SDK1: variants seen among roughly 807,000 people sequenced by gnomAD.
The protein encoded by SDK1 is sidekick cell adhesion molecule 1, also known as protein sidekick-1.
A neutral mutation model predicts 245.5 loss-of-function variants in SDK1; 157 were observed. That is an observed-to-expected ratio of 0.64 (90% CI 0.56 to 0.73). The LOEUF (loss-of-function observed/expected upper bound fraction) is 0.73. SDK1 is among the 30% of genes least tolerant of loss of function. The pLI is 0.00. For synonymous variants in SDK1, 1,647 were observed against 1,278.5 expected, an observed-to-expected ratio of 1.29 and a Z score of -6.15; for missense variants, 3,583 against 3,002.3, an observed-to-expected ratio of 1.19 and a Z score of -4.52.
chr7:3,774,150 G>T (rs1780484155), intron 4 of SDK1, among the ~76,000 whole-genome samples: 1 of 151,432 alleles, frequency 6.6e-6, no homozygotes. Context: ...AGGAGGCGGA[G>T]GTTGCAGTGA....
chr7:4,221,422 G>C, intron 40 of SDK1, 58 bp downstream of exon 40: 4 of 1,534,056 alleles, frequency 2.6e-6, no homozygotes, highest in Non-Finnish European at 3.5e-6. Flanking sequence ...GTGCTTCTAA[G>C]ACTGTGTCGG....
chr7:3,898,053 A>C (rs1186465024), intron 5 of SDK1, among the ~76,000 whole-genome samples: 2 of 152,186 alleles, frequency 1.3e-5, no homozygotes, highest in Non-Finnish European at 2.9e-5. Context: ...AACATGACTG[A>C]GGTGCTACGG....
intron 5 of SDK1, 51 bp from the exon 6 acceptor site, chr7:3,950,872 G>T: frequency 7.1e-7 from 1 of 1,405,476 alleles, no homozygotes; most frequent in Non-Finnish European, 9.9e-7. Context: ...AACGGCGGGG[G>T]GTGCTCCTGT....
intron 1 of SDK1, among the ~76,000 whole-genome samples, chr7:3,561,118 G>GAT (rs1779737921): frequency 6.6e-6 from 1 of 152,052 alleles, no homozygotes; most frequent in Admixed American, 6.5e-5. Context: ...TTGCAAGCTT[G>GAT]ATGAGGGTAG....
chr7:4,165,882 G>A (rs1781468575), intron 32 of SDK1, among the ~76,000 whole-genome samples: 1 of 152,032 alleles, frequency 6.6e-6, no homozygotes, highest in African/African-American at 2.4e-5. Context: ...CAACTCCTGG[G>A]CTCAAGCAAT....
chr7:3,556,261 GCAA>G (rs1221442110), intron 1 of SDK1, among the ~76,000 whole-genome samples: 4 of 152,122 alleles, frequency 2.6e-5, no homozygotes, highest in Non-Finnish European at 5.9e-5. Flanking sequence ...CCTGTCATTT[GCAA>G]CAACACTCGT....
At position 4,127,409 on chromosome 7, in the gene SDK1, A is replaced by T. The variant is rs147200596; in HGVS notation, c.3852A>T (p.Ser1284=). 2 of 1,614,112 alleles carry T rather than the reference A, an allele frequency of 1.2e-6. No homozygotes were observed. The highest frequency in any genetic ancestry group is 1.7e-6 in the Non-Finnish European group (2 of 1,180,026). ...SVPSAAPENV[S]AEAVSSTQIL... is the part of the protein sequence containing the mutation. ...CTTCAGCCGCCCCTGAGAACGTGTC[A>T]GCCGAGGCTGTCAGCTCGACCCAGA... Residue 1284 remains serine (S), a synonymous_variant, in exon 26 of 45, where the codon TCA becomes TCT. Transcript: ENST00000404826.
chr7:3,995,017 G>A (rs1384600223), intron 14 of SDK1, among the ~76,000 whole-genome samples: 1 of 152,174 alleles, frequency 6.6e-6, no homozygotes, highest in Non-Finnish European at 1.5e-5. Flanking sequence ...TCCTCCCTAG[G>A]TTGCCAGCCC....
intron 4 of SDK1, among the ~76,000 whole-genome samples, chr7:3,674,641 G>A (rs562650132): frequency 6.6e-6 from 1 of 152,294 alleles, no homozygotes; most frequent in Admixed American, 6.5e-5. Context: ...CATAAATACG[G>A]ACAAAGGGCA....
intron 16 of SDK1, among the ~76,000 whole-genome samples, chr7:4,012,871 C>T (rs1280006653): frequency 2.0e-5 from 3 of 152,118 alleles, no homozygotes; most frequent in Non-Finnish European, 4.4e-5. Context: ...GGCACTGCAC[C>T]TGGCCTCATT....
intron 4 of SDK1, among the ~76,000 whole-genome samples, chr7:3,685,471 T>C (rs1784252284): frequency 6.6e-6 from 1 of 152,124 alleles, no homozygotes; most frequent in South Asian, 2.1e-4. Flanking sequence ...CATAAAATAT[T>C]CTAAACAGAA....
intron 1 of SDK1, among the ~76,000 whole-genome samples, chr7:3,560,872 G>T (rs900708797): frequency 2.0e-5 from 3 of 152,136 alleles, no homozygotes; most frequent in African/African-American, 7.2e-5. Flanking sequence ...CTTCCCGAAG[G>T]TGTCCAGATG....
intron 5 of SDK1, among the ~76,000 whole-genome samples, chr7:3,912,737 C>G (rs371409496): frequency 6.6e-6 from 1 of 152,216 alleles, no homozygotes; most frequent in African/African-American, 2.4e-5. Context: ...CGGTCTGGCC[C>G]GTGGGGGCTC....
intron 5 of SDK1, among the ~76,000 whole-genome samples, chr7:3,886,751 C>T (rs568588727): frequency 6.6e-6 from 1 of 152,206 alleles, no homozygotes; most frequent in African/African-American, 2.4e-5. Context: ...CCTGTCTCTA[C>T]AAAAAATATT....
intron 1 of SDK1, among the ~76,000 whole-genome samples, chr7:3,309,549 G>T (rs776008356): frequency 4.1e-5 from 3 of 72,726 alleles, no homozygotes; most frequent in Middle Eastern, 8.5e-3. Flanking sequence ...TTTTACATGA[G>T]TGTATAAACT....
At chr7:3,626,615 C>G (rs1434950068) in intron 2 of SDK1, among the ~76,000 whole-genome samples, 5 of 152,202 alleles carry the variant, frequency 3.3e-5, no homozygotes, top group African/African-American at 2.4e-5. Flanking sequence ...CTTGCGAGTA[C>G]TAAGAGATAC....
intron 14 of SDK1, among the ~76,000 whole-genome samples, chr7:3,995,035 T>A (rs1306607176): frequency 6.6e-6 from 1 of 152,180 alleles, no homozygotes; most frequent in East Asian, 1.9e-4. Flanking sequence ...CCCTACTTCT[T>A]CCGTATAGAG....
intron 5 of SDK1, among the ~76,000 whole-genome samples, chr7:3,889,741 C>T (rs1583516921): frequency 6.6e-6 from 1 of 152,152 alleles, no homozygotes; most frequent in South Asian, 2.1e-4. Flanking sequence ...ATCTCCTGAC[C>T]TCGTGATCCA....
intron 1 of SDK1, among the ~76,000 whole-genome samples, chr7:3,323,591 A>G (rs1229621243): frequency 6.6e-6 from 1 of 152,144 alleles, no homozygotes; most frequent in Non-Finnish European, 1.5e-5. Flanking sequence ...GTCAACTTGA[A>G]TTCCTTTTCG....
Sources: gnomAD v4.1 joint callset for allele counts (sites outside exome capture counted in the v4.1 genomes callset) on GRCh38, gnomAD v4.1.1 for gene constraint, MANE v1.5 for transcripts, NCBI Gene and HGNC (gene_info 2026-07-23, HGNC 2026-07-21) for gene names.